The following PKHD1L1 variants were observed in gnomAD, a reference collection of about 807,000 sequenced individuals.
PKHD1L1 encodes the protein PKHD1 like 1, also known as fibrocystin-L.
A neutral mutation model predicts 462.9 loss-of-function variants in PKHD1L1; 434 were observed. The ratio of observed to expected loss-of-function variants is 0.94; its 90% CI spans 0.87 to 1.02. The LOEUF is 1.02. Ranked by LOEUF, PKHD1L1 falls within the 50% of genes least tolerant of loss-of-function variation. The pLI, the probability that PKHD1L1 is intolerant of heterozygous loss-of-function variation, is 0.00. For synonymous variants in PKHD1L1, 1,781 were observed against 1,750.0 expected (o/e 1.02, Z -0.44); for missense variants, 5,202 against 5,096.1 (o/e 1.02, Z -0.63).
At chr8:109,515,104 G>T in intron 71 of PKHD1L1, 66 bp from the exon 72 acceptor site, 2 of 1,247,036 alleles carry the variant, frequency 1.6e-6, no homozygotes, top group Non-Finnish European at 2.2e-6. Flanking sequence ...ATTGAAGGAC[G>T]GTTTAAGTGC....
In PKHD1L1 at chr8:109,456,361, A is replaced by G. The variant is rs891106756; in HGVS notation, c.6974A>G (p.Asp2325Gly). 2 of 1,609,714 alleles carry G rather than the reference A, an allele frequency of 1.2e-6. No individual in the cohort carries two copies. Among genetic ancestry groups the G allele is most frequent in the Non-Finnish European group, 1.7e-6 (2 of 1,177,844 alleles). ...GAAGCAGTAACATGGAAACCAGGAG[A>G]TAACATTGTAATTGCAAGCACAGGA... ...LQEAVTWKPGDNIVIASTGHR... is the reference protein window; with the variant it reads ...LQEAVTWKPGGNIVIASTGHR... Residue 2325 changes from aspartate (D) to glycine (G), a missense_variant, in exon 46 of 78, where the codon GAT (aspartate) becomes GGT (glycine). Around this residue, in one of 3 missense-constraint regions of PKHD1L1, gnomAD observed 4,497 missense variants for 4,336.8 expected, o/e 1.04. Coordinates refer to ENST00000378402, the MANE Select transcript of PKHD1L1 (RefSeq NM_177531.6).
intron 22 of PKHD1L1, among the ~76,000 whole-genome samples, chr8:109,420,109 T>C (rs1350603563): frequency 6.6e-6 from 1 of 152,132 alleles, no homozygotes; most frequent in African/African-American, 2.4e-5. Flanking sequence ...AAAAGAGCAA[T>C]GAAGATGACA....
At chr8:109,406,925 TA>T (rs1813582650) in intron 17 of PKHD1L1, among the ~76,000 whole-genome samples, 1 of 132,530 alleles carries the variant, frequency 7.5e-6, no homozygotes, top group Non-Finnish European at 1.7e-5. Context: ...AGTCCTGCAG[TA>T]TTAAAAAAAA....
intron 31 of PKHD1L1, 34 bp from the exon 32 acceptor site, chr8:109,438,863 T>A: frequency 6.8e-7 from 1 of 1,467,254 alleles, no homozygotes; most frequent in South Asian, 1.3e-5. Flanking sequence ...CAAGTTGAAC[T>A]TTTTGCATTA....
At chr8:109,417,383 A>G (rs1009705455) in intron 21 of PKHD1L1, among the ~76,000 whole-genome samples, 1 of 152,078 alleles carries the variant, frequency 6.6e-6, no homozygotes, top group Non-Finnish European at 1.5e-5. Context: ...AAATGTATCT[A>G]CTGTGCACTA....
intron 28 of PKHD1L1, among the ~76,000 whole-genome samples, chr8:109,434,827 CATAAT>C (rs778925193): frequency 6.6e-6 from 1 of 152,014 alleles, no homozygotes; most frequent in Non-Finnish European, 1.5e-5. Context: ...CAATTTCAGA[CATAAT>C]ATGTTTGACC....
At chr8:109,443,652 A>T (rs774192047) in intron 36 of PKHD1L1, 24 bp from the exon 37 acceptor site, 4 of 1,557,390 alleles carry the variant, frequency 2.6e-6, no homozygotes, top group Non-Finnish European at 3.5e-6. Flanking sequence ...TTCATGACTT[A>T]ACGGGCAGTT....
In PKHD1L1 at chr8:109,447,258, C is replaced by G. The variant is rs114077719; in HGVS notation, c.5777-885C>G. On this transcript the variant is annotated intron_variant, in intron 38 of 77. Transcript: ENST00000378402. ...AAACAAACAAACAAACAAAAACTTTCCTAACATGAAATATCTCTTTAGTAT... is the reference window on the plus strand; with the variant it reads ...AAACAAACAAACAAACAAAAACTTTGCTAACATGAAATATCTCTTTAGTAT... 8.8e-3 allele frequency among the ~76,000 whole-genome samples: 1,335 copies of G among 152,086 alleles called. 16 individuals carry two copies. Among genetic ancestry groups the G allele is most frequent in the African/African-American group, 0.03 (1,254 of 41,496 alleles).
chr8:109,511,068 C>A, intron 71 of PKHD1L1, 134 bp downstream of exon 71: 1 of 1,010,632 alleles, frequency 9.9e-7, no homozygotes, highest in Non-Finnish European at 1.4e-6. Context: ...ATCAGGGTAC[C>A]ACTGAAATTA....
At position 109,486,832 on chromosome 8, in the gene PKHD1L1, A is replaced by G. The variant is rs766687870; in HGVS notation, c.9880+11A>G. ...TGATGACATTTAAAGGTTGGTATCA[A>G]TTCAGTTTATTTTTCTAAATGAGCT... On this transcript the variant is annotated intron_variant, in intron 59 of 77. Coordinates refer to ENST00000378402, the MANE Select transcript of PKHD1L1 (RefSeq NM_177531.6). The G allele has an allele frequency of 4.4e-6, 7 of 1,607,466 alleles. No individual in the cohort carries two copies. The Admixed American group carries it at 1.0e-4, about 23-fold the overall frequency.
In PKHD1L1 at chr8:109,454,839, C is replaced by T; in HGVS notation, c.6861C>T (p.Ile2287=). The change falls in exon 45 of 78, where the codon ATC becomes ATT. Residue 2287 remains isoleucine, a synonymous_variant. Transcript: ENST00000378402. ...AAACACTGGCTGTGCGGGAGGGAAT[C>T]CTGGATCTGCACGGTACTGTGGCCA... ...GAKTLAVREG[I]LDLHGVPVPV... 2 of 1,613,604 alleles carry T rather than the reference C, an allele frequency of 1.2e-6. No homozygotes were observed. Among genetic ancestry groups the T allele is most frequent in the South Asian group, 1.1e-5 (1 of 91,032 alleles).
intron 2 of PKHD1L1, among the ~76,000 whole-genome samples, chr8:109,378,897 A>T (rs1811970410): frequency 6.6e-6 from 1 of 152,204 alleles, no homozygotes; most frequent in South Asian, 2.1e-4. Flanking sequence ...AAGCATGCAG[A>T]TCTATGTGTC....
intron 1 of PKHD1L1, among the ~76,000 whole-genome samples, chr8:109,363,841 G>C (rs896527649): frequency 6.6e-6 from 1 of 152,168 alleles, no homozygotes; most frequent in African/African-American, 2.4e-5. Flanking sequence ...CACAAGCAGC[G>C]TGGGTGAAAT....
At chr8:109,502,417 T>C (rs892153512) in intron 67 of PKHD1L1, among the ~76,000 whole-genome samples, 1 of 152,184 alleles carries the variant, frequency 6.6e-6, no homozygotes, top group African/African-American at 2.4e-5. Context: ...TACTTTCTAA[T>C]AAGAAGGAAT....
In PKHD1L1 at chr8:109,440,842, C is replaced by T. The variant is rs771727215; in HGVS notation, c.4089C>T (p.Thr1363=). The change falls in exon 33 of 78, where the codon ACC becomes ACT. Residue 1363 remains threonine, a synonymous_variant. Transcript: ENST00000378402. The part of the protein sequence containing the change: ...FGFSTIPAEN[T]VLLGSIPCNV... ...TCAGCACAATACCAGCTGAGAATACCGTGCTGTTAGGTAAGAGCTTCATTC... is the reference window on the plus strand; with the variant it reads ...TCAGCACAATACCAGCTGAGAATACTGTGCTGTTAGGTAAGAGCTTCATTC... The T allele has an allele frequency of 3.7e-5, 59 of 1,611,970 alleles. No individual in the cohort carries two copies. Among genetic ancestry groups the T allele is most frequent in the Non-Finnish European group, 4.6e-5 (54 of 1,178,816 alleles).
At chr8:109,508,386 C>G in intron 70 of PKHD1L1, 122 bp downstream of exon 70, 1 of 1,029,062 alleles carries the variant, frequency 9.7e-7, no homozygotes. Flanking sequence ...TGTTTGCCTT[C>G]CATTTGTAAC....
chr8:109,473,420 G>T (rs1173375500), intron 50 of PKHD1L1, among the ~76,000 whole-genome samples: 1 of 151,950 alleles, frequency 6.6e-6, no homozygotes, highest in Non-Finnish European at 1.5e-5. Context: ...GGAGGTTGAG[G>T]CAGGAGAATT....
chr8:109,459,478 C>A, intron 46 of PKHD1L1, 117 bp from the exon 47 acceptor site: 3 of 711,264 alleles, frequency 4.2e-6, no homozygotes, highest in Non-Finnish European at 6.4e-6. Flanking sequence ...TATTATATGA[C>A]ATAAGAATAG....
intron 17 of PKHD1L1, among the ~76,000 whole-genome samples, chr8:109,407,423 C>A (rs985876686): frequency 2.0e-5 from 3 of 152,070 alleles, no homozygotes; most frequent in Non-Finnish European, 4.4e-5. Context: ...ATATGGTGCC[C>A]AAATCCTAAC....
Sources: allele counts gnomAD v4.1 joint callset (sites outside exome capture counted in the v4.1 genomes callset), GRCh38; gene constraint gnomAD v4.1.1; regional missense constraint gnomAD v4.1.1; transcripts MANE v1.5; gene names NCBI Gene and HGNC (gene_info 2026-07-23, HGNC 2026-07-21).